Variants in CTNNA3 observed in about 807,000 individuals in gnomAD.
CTNNA3 encodes the protein catenin alpha-3.
A neutral mutation model predicts 95.7 loss-of-function variants in CTNNA3; 76 were observed. The observed-to-expected ratio is 0.79, with a 90% CI of 0.66 to 0.96. The LOEUF (loss-of-function observed/expected upper bound fraction) is 0.96, where lower values mean the gene tolerates loss of function less well. Ranked by LOEUF, CTNNA3 falls within the 40% of genes least tolerant of loss-of-function variation. CTNNA3 has a pLI of 0.00. For missense variants in CTNNA3, 1,191 were observed against 1,089.8 expected (o/e 1.09, Z -1.31); for synonymous variants, 431 against 374.4 (o/e 1.15, Z -1.74).
At chr10:66,989,101 T>A (rs1335799299) in intron 7 of CTNNA3, among the ~76,000 whole-genome samples, 1 of 152,166 alleles carries the variant, frequency 6.6e-6, no homozygotes, top group Non-Finnish European at 1.5e-5. Context: ...GGAAATTGTA[T>A]CTGTTTTACT....
chr10:67,315,141 C>A (rs1413738424), intron 5 of CTNNA3, among the ~76,000 whole-genome samples: 2 of 152,200 alleles, frequency 1.3e-5, no homozygotes. Context: ...AATTCCATGT[C>A]ATAATTGCCA....
chr10:66,958,025 A>G (rs1166050021), intron 7 of CTNNA3, among the ~76,000 whole-genome samples: 1 of 152,052 alleles, frequency 6.6e-6, no homozygotes, highest in African/African-American at 2.4e-5. Context: ...ACATAGAACT[A>G]GAGGGGCCAA....
chr10:66,089,873 A>T (rs2081146887), intron 14 of CTNNA3, among the ~76,000 whole-genome samples: 1 of 151,898 alleles, frequency 6.6e-6, no homozygotes, highest in African/African-American at 2.4e-5. Flanking sequence ...TTACAAAAAC[A>T]ATAGCAAACA....
At chr10:66,766,050 A>C in intron 9 of CTNNA3, 1 of 430,286 alleles carries the variant, frequency 2.3e-6, no homozygotes, top group Non-Finnish European at 4.2e-6. Flanking sequence ...TCCTTTGTGA[A>C]GCTCTAATAA....
At chr10:67,626,948 T>C (rs7085441) in intron 2 of CTNNA3, among the ~76,000 whole-genome samples, 3,191 of 152,308 alleles carry the variant, frequency 0.021, 36 homozygotes, top group South Asian at 0.036. Context: ...GCTAGTAAAA[T>C]AAAAATGTCT....
chr10:66,096,305 G>A (rs1353390734), intron 14 of CTNNA3, among the ~76,000 whole-genome samples: 1 of 152,070 alleles, frequency 6.6e-6, no homozygotes. Flanking sequence ...TGGATTTCAA[G>A]TTGTACAGGC....
intron 12 of CTNNA3, among the ~76,000 whole-genome samples, chr10:66,348,092 T>C (rs1301734478): frequency 1.3e-5 from 2 of 152,054 alleles, no homozygotes; most frequent in Non-Finnish European, 2.9e-5. Context: ...TACCAAATCA[T>C]GAAAGACAAT....
At chr10:66,777,694 C>T (rs141236062) in intron 7 of CTNNA3, among the ~76,000 whole-genome samples, 46 of 151,810 alleles carry the variant, frequency 3.0e-4, no homozygotes, top group Non-Finnish European at 4.6e-4. Flanking sequence ...TTGGTTGTAT[C>T]GCTTTCCACT....
intron 15 of CTNNA3, among the ~76,000 whole-genome samples, chr10:66,043,150 AAAAAGAG>A (rs1214171397): frequency 6.7e-6 from 1 of 149,536 alleles, no homozygotes; most frequent in African/African-American, 2.5e-5. Flanking sequence ...AAAAAAAAAA[AAAAAGAG>A]AGAGAGAGAA....
chr10:66,848,707 G>A (rs1843369478), intron 7 of CTNNA3, among the ~76,000 whole-genome samples: 4 of 152,166 alleles, frequency 2.6e-5, no homozygotes, highest in Admixed American at 2.6e-4. Context: ...AGTACTTGCT[G>A]AAGATACATT....
At chr10:66,372,322 G>C (rs1046228817) in intron 12 of CTNNA3, among the ~76,000 whole-genome samples, 2 of 152,156 alleles carry the variant, frequency 1.3e-5, no homozygotes, top group African/African-American at 4.8e-5. Context: ...CGGGAAAGTA[G>C]GATCAGAATG....
intron 14 of CTNNA3, among the ~76,000 whole-genome samples, chr10:66,088,766 A>G (rs2081093388): frequency 6.6e-6 from 1 of 152,066 alleles, no homozygotes; most frequent in Non-Finnish European, 1.5e-5. Flanking sequence ...TGTTATCCGA[A>G]TATAGTATTT....
intron 7 of CTNNA3, among the ~76,000 whole-genome samples, chr10:66,924,478 G>A (rs927752007): frequency 1.6e-4 from 25 of 152,052 alleles, no homozygotes; most frequent in African/African-American, 5.3e-4. Context: ...GAAAAGAATC[G>A]AACATTATTA....
chr10:66,332,411 A>ATACGTCCCATCAATACT (rs547582871), intron 12 of CTNNA3, among the ~76,000 whole-genome samples: 1 of 146,902 alleles, frequency 6.8e-6, no homozygotes, highest in Non-Finnish European at 1.5e-5. Context: ...TTATTTTGAG[A>ATACGTCCCATCAATACT]TAATTTATTG....
intron 12 of CTNNA3, among the ~76,000 whole-genome samples, chr10:66,377,560 A>C (rs923365219): frequency 6.6e-6 from 1 of 152,128 alleles, no homozygotes; most frequent in Non-Finnish European, 1.5e-5. Context: ...GTATGCTCAC[A>C]AGACTAACAC....
intron 7 of CTNNA3, among the ~76,000 whole-genome samples, chr10:66,841,378 C>A (rs1336298080): frequency 6.6e-6 from 1 of 152,134 alleles, no homozygotes; most frequent in Non-Finnish European, 1.5e-5. Flanking sequence ...TTTATATATT[C>A]TTAAAGGGAT....
intron 7 of CTNNA3, among the ~76,000 whole-genome samples, chr10:66,910,249 A>C (rs1471776448): frequency 6.6e-6 from 1 of 152,212 alleles, no homozygotes. Flanking sequence ...GCTGTATTGC[A>C]GGTATGCATA....
At chr10:66,018,063 G>A (rs78582086) in intron 15 of CTNNA3, among the ~76,000 whole-genome samples, 7,507 of 151,872 alleles carry the variant, frequency 0.049, 297 homozygotes, top group East Asian at 0.2. Context: ...CCTCAACTTC[G>A]TCCAGAAACA....
chr10:66,145,226 C>T (rs16922536), intron 13 of CTNNA3, among the ~76,000 whole-genome samples: 16,651 of 152,154 alleles, frequency 0.11, 1,246 homozygotes, highest in African/African-American at 0.21. Context: ...GACTCTAAAA[C>T]CTGTAAGGGC....
Sources: allele counts gnomAD v4.1 joint callset (sites outside exome capture counted in the v4.1 genomes callset), GRCh38; gene constraint gnomAD v4.1.1; transcripts MANE v1.5; gene names NCBI Gene and HGNC (gene_info 2026-07-23, HGNC 2026-07-21).